Variants in MACO1 observed in about 807,000 individuals in gnomAD.
The protein encoded by MACO1 is macoilin 1.
In MACO1, 14 loss-of-function variants were observed where a neutral mutation model predicts 78.7. The observed-to-expected ratio is 0.18, with a 90% CI of 0.12 to 0.28. MACO1 has a LOEUF of 0.28. Ranked by LOEUF, MACO1 falls within the 10% of genes least tolerant of loss-of-function variation. The pLI is 1.00. For synonymous variants in MACO1, 288 were observed against 291.6 expected (o/e 0.99, Z 0.12); for missense variants, 501 against 799.0 (o/e 0.63, Z 4.50).
intron 1 of MACO1, among the ~76,000 whole-genome samples, chr1:25,436,756 G>A (rs535662188): frequency 7.9e-5 from 12 of 152,258 alleles, no homozygotes; most frequent in Non-Finnish European, 1.2e-4. Flanking sequence ...ACATTTAACC[G>A]ACATCAAATT....
intron 1 of MACO1, among the ~76,000 whole-genome samples, chr1:25,438,025 A>G (rs533145448): frequency 6.6e-6 from 1 of 152,310 alleles, no homozygotes; most frequent in South Asian, 2.1e-4. Flanking sequence ...GAAAAAAAAA[A>G]TCTAGAATGG....
At chr1:25,483,194 G>C (rs1454415476) in intron 6 of MACO1, among the ~76,000 whole-genome samples, 7 of 152,178 alleles carry the variant, frequency 4.6e-5, no homozygotes, top group Admixed American at 4.6e-4. Flanking sequence ...GGGATTACAG[G>C]CACGCGCCAC....
intron 1 of MACO1, among the ~76,000 whole-genome samples, chr1:25,432,628 C>T (rs55800703): frequency 0.013 from 1,991 of 152,290 alleles, 34 homozygotes; most frequent in African/African-American, 0.044. Context: ...ACGTTACATA[C>T]ACTATACATT....
chr1:25,472,286 A>G (rs115239664), intron 6 of MACO1, among the ~76,000 whole-genome samples: 2,336 of 152,224 alleles, frequency 0.015, 60 homozygotes, highest in African/African-American at 0.053. Context: ...ACACAGGTAC[A>G]TACATGCCAT....
chr1:25,483,579 A>G (rs2043400538), intron 6 of MACO1, among the ~76,000 whole-genome samples: 1 of 152,166 alleles, frequency 6.6e-6, no homozygotes, highest in African/African-American at 2.4e-5. Context: ...CTTCTGCCGC[A>G]ATCACCAGAG....
At chr1:25,480,930 ATATATATATATATATATATAT>A (rs752065604) in intron 6 of MACO1, among the ~76,000 whole-genome samples, 1,223 of 75,284 alleles carry the variant, frequency 0.016, 130 homozygotes, top group Middle Eastern at 0.032. Context: ...AAAAAAAAAA[ATATATATATATATATATATAT>A]ATATATATAT....
chr1:25,471,203 G>A (rs2043266806), intron 6 of MACO1, among the ~76,000 whole-genome samples: 1 of 151,954 alleles, frequency 6.6e-6, no homozygotes, highest in Admixed American at 6.6e-5. Context: ...GCTGAGTGCA[G>A]TGGCGGGTGC....
intron 1 of MACO1, among the ~76,000 whole-genome samples, chr1:25,440,633 G>T (rs1476767737): frequency 6.6e-6 from 1 of 151,688 alleles, no homozygotes; most frequent in African/African-American, 2.4e-5. Context: ...GCCAGGCATG[G>T]TGGTAGGCAC....
At chr1:25,432,747 C>T (rs1335022821) in intron 1 of MACO1, among the ~76,000 whole-genome samples, 3 of 152,214 alleles carry the variant, frequency 2.0e-5, no homozygotes, top group Admixed American at 6.5e-5. Context: ...AGTTGGTAGA[C>T]TTAGCACAAC....
At chr1:25,433,618 G>A (rs2042894992) in intron 1 of MACO1, among the ~76,000 whole-genome samples, 2 of 152,106 alleles carry the variant, frequency 1.3e-5, no homozygotes, top group South Asian at 4.1e-4. Flanking sequence ...AACTTTCTGA[G>A]CCTTGGCATA....
At chr1:25,441,075 C>T (rs2042967921) in intron 1 of MACO1, among the ~76,000 whole-genome samples, 1 of 152,214 alleles carries the variant, frequency 6.6e-6, no homozygotes, top group Admixed American at 6.5e-5. Context: ...GTCCAGACAC[C>T]TTCCCAGTCA....
At chr1:25,446,140 A>T (rs1220810214) in intron 1 of MACO1, among the ~76,000 whole-genome samples, 1 of 152,084 alleles carries the variant, frequency 6.6e-6, no homozygotes, top group Non-Finnish European at 1.5e-5. Context: ...TTTTTCTTTA[A>T]TGTACATTTT....
intron 6 of MACO1, among the ~76,000 whole-genome samples, chr1:25,479,898 A>G (rs1386542442): frequency 6.6e-6 from 1 of 152,180 alleles, no homozygotes; most frequent in East Asian, 1.9e-4. Context: ...TATATGTGGT[A>G]CTCTCTCACC....
chr1:25,494,201 G>C (rs1470302923), intron 10 of MACO1, among the ~76,000 whole-genome samples: 1 of 152,174 alleles, frequency 6.6e-6, no homozygotes, highest in Non-Finnish European at 1.5e-5. Context: ...ACTGTACTTT[G>C]AGAATTGCTG....
At chr1:25,442,908 T>C (rs185243883) in intron 1 of MACO1, among the ~76,000 whole-genome samples, 416 of 152,324 alleles carry the variant, frequency 2.7e-3, no homozygotes, top group Non-Finnish European at 4.2e-3. Context: ...AAATTTTGTT[T>C]AAGATACAGT....
intron 6 of MACO1, among the ~76,000 whole-genome samples, chr1:25,480,330 C>T (rs1304058799): frequency 6.6e-6 from 1 of 152,184 alleles, no homozygotes; most frequent in Admixed American, 6.5e-5. Flanking sequence ...AACTCTCAGG[C>T]TTGCTGCAGC....
At chr1:25,447,793 T>C (rs1025246084) in intron 2 of MACO1, among the ~76,000 whole-genome samples, 3 of 152,172 alleles carry the variant, frequency 2.0e-5, no homozygotes, top group South Asian at 2.1e-4. Context: ...CCAAACCACA[T>C]TTAGACAGCT....
chr1:25,499,328 A>G lies in MACO1; in HGVS notation c.*862A>G, dbSNP rs1425291586. On this transcript the variant is annotated 3_prime_UTR_variant, in exon 11 of 11. Transcript: ENST00000374343. ...CTACATCTTCTGTTTCTTTGAATAG[A>G]AAGCACCACAGTGTTTTGCACTTGC... The G allele has an allele frequency of 6.6e-6, 1 of 152,206 alleles. No individual in the cohort carries two copies. The highest frequency in any genetic ancestry group is 1.5e-5 in the Non-Finnish European group (1 of 68,036). The allele number at this position is 152,206 out of a possible 1,614,324, so 9.4% of individuals were successfully genotyped here. A position where few individuals can be genotyped will look rare whatever the true frequency, so the allele number is the denominator to read the frequency against.
At chr1:25,493,727 CTTTTTTTTTTTT>C (rs1189775109) in intron 10 of MACO1, among the ~76,000 whole-genome samples, 6 of 92,066 alleles carry the variant, frequency 6.5e-5, no homozygotes, top group Admixed American at 1.3e-4. Flanking sequence ...TAGTTTGATT[CTTTTTTTTTTTT>C]TTTTTTTTTT....
Sources: allele counts gnomAD v4.1 joint callset (sites outside exome capture counted in the v4.1 genomes callset), GRCh38; gene constraint gnomAD v4.1.1; transcripts MANE v1.5; gene names NCBI Gene and HGNC (gene_info 2026-07-23, HGNC 2026-07-21).